Variants in TG observed in about 807,000 individuals in gnomAD.
TG encodes the protein thyroid hormones.
Under a neutral mutation model 324.7 loss-of-function variants are expected in TG, and 270 were observed. The observed-to-expected ratio is 0.83, with a 90% confidence interval of 0.75 to 0.92. The LOEUF is 0.92. TG is among the 40% of genes least tolerant of loss of function. TG has a pLI of 0.00. For synonymous variants in TG, 1,401 were observed against 1,327.0 expected, an observed-to-expected ratio of 1.06 and a Z score of -1.21; for missense variants, 3,591 against 3,456.4, an observed-to-expected ratio of 1.04 and a Z score of -0.98.
At chr8:133,058,273 C>G (rs1012896885) in intron 41 of TG, among the ~76,000 whole-genome samples, 67 of 152,086 alleles carry the variant, frequency 4.4e-4, no homozygotes, top group African/African-American at 1.5e-3. Context: ...AGCCCACCAG[C>G]GCTTGATGTG....
intron 28 of TG, among the ~76,000 whole-genome samples, chr8:132,961,537 G>A (rs544378643): frequency 1.3e-5 from 2 of 152,178 alleles, no homozygotes; most frequent in African/African-American, 2.4e-5. Flanking sequence ...GGGAAAAATG[G>A]AGAGTCTGAC....
intron 8 of TG, chr8:132,883,273 CG>C: frequency 2.2e-6 from 1 of 455,062 alleles, no homozygotes; most frequent in Non-Finnish European, 4.0e-6. Flanking sequence ...TTCCCATGTG[CG>C]GTGAGACAGG....
In TG at chr8:132,878,220, G is replaced by A. The variant is rs79775783; in HGVS notation, c.639-3643G>A. ...ATGATGGAGGGAACTTGGTTCCTCG[G>A]GTCCTCATGAAGGGGGGAACACTGT... On this transcript the variant is annotated intron_variant, in intron 5 of 47. Coordinates refer to ENST00000220616, the MANE Select transcript of TG (RefSeq NM_003235.5). Among the ~76,000 whole-genome samples the A allele has an allele frequency of 9.0e-3, 1,372 of 152,218 alleles. 39 individuals carry two copies. The highest frequency in any genetic ancestry group is 0.087 in the East Asian group (451 of 5,176).
intron 41 of TG, chr8:133,060,354 T>C: frequency 1.9e-6 from 3 of 1,543,578 alleles, no homozygotes; most frequent in South Asian, 1.2e-5. Context: ...TGGTGAAGAT[T>C]GGTTACTTTT....
chr8:133,014,380 A>G (rs905499309), intron 37 of TG, among the ~76,000 whole-genome samples: 2 of 152,252 alleles, frequency 1.3e-5, no homozygotes, highest in African/African-American at 2.4e-5. Flanking sequence ...GGGAGTAGCC[A>G]TAAATCCATC....
intron 41 of TG, among the ~76,000 whole-genome samples, chr8:133,033,483 T>A (rs527406848): frequency 8.5e-5 from 13 of 152,318 alleles, no homozygotes; most frequent in Admixed American, 2.6e-4. Context: ...CCCTTGCTGT[T>A]CTATGACAGC....
rs143097580 is a variant in TG at position 132,903,498 on chromosome 8, T to G, written c.3634+1945T>G. On this transcript the variant is annotated intron_variant, in intron 16 of 47. Coordinates refer to ENST00000220616, the MANE Select transcript of TG (RefSeq NM_003235.5). Reference sequence around the variant, plus strand: ...AGGGAGTTTGGGAAAAGCTGAGAGATTTAATATAGACAGTAATTTGGAACA... The same window carrying G: ...AGGGAGTTTGGGAAAAGCTGAGAGAGTTAATATAGACAGTAATTTGGAACA... Among the ~76,000 whole-genome samples the G allele has an allele frequency of 5.4e-3, 817 of 152,286 alleles. 29 individuals carry two copies. The highest frequency in any genetic ancestry group is 0.045 in the Admixed American group (694 of 15,300).
At chr8:132,957,770 C>CACACACAG (rs1236620503) in intron 27 of TG, among the ~76,000 whole-genome samples, 2 of 149,804 alleles carry the variant, frequency 1.3e-5, no homozygotes, top group South Asian at 2.1e-4. Context: ...CACACACACA[C>CACACACAG]ACACACACAC....
At chr8:133,057,217 C>T (rs908124525) in intron 41 of TG, among the ~76,000 whole-genome samples, 2 of 151,854 alleles carry the variant, frequency 1.3e-5, no homozygotes, top group Non-Finnish European at 2.9e-5. Context: ...AGAGAAGGAA[C>T]AAAGAGGGGA....
At chr8:133,123,507 A>C (rs1851296963) in intron 45 of TG, among the ~76,000 whole-genome samples, 1 of 152,082 alleles carries the variant, frequency 6.6e-6, no homozygotes, top group Non-Finnish European at 1.5e-5. Flanking sequence ...TCAAGGCACC[A>C]CCTGCTTATT....
chr8:133,070,627 CT>C (rs1174328891), intron 41 of TG, among the ~76,000 whole-genome samples: 2 of 152,224 alleles, frequency 1.3e-5, no homozygotes, highest in Non-Finnish European at 2.9e-5. Flanking sequence ...TTGTTCAGGG[CT>C]GGGTCTAGCC....
chr8:133,007,251 G>A (rs1328231102), intron 35 of TG, among the ~76,000 whole-genome samples: 2 of 152,110 alleles, frequency 1.3e-5, no homozygotes, highest in East Asian at 1.9e-4. Flanking sequence ...ACCGGGAGAA[G>A]GGGGAGGAGA....
At chr8:132,958,590 C>T (rs1022116482) in intron 27 of TG, among the ~76,000 whole-genome samples, 9 of 151,982 alleles carry the variant, frequency 5.9e-5, no homozygotes, top group African/African-American at 1.9e-4. Flanking sequence ...TGGTGGTGGG[C>T]GCCTGTAATC....
At chr8:133,027,885 C>T (rs1383698971) in intron 40 of TG, among the ~76,000 whole-genome samples, 3 of 152,150 alleles carry the variant, frequency 2.0e-5, no homozygotes, top group African/African-American at 7.2e-5. Context: ...ACATGTTGGA[C>T]CGTAATTGCT....
intron 11 of TG, among the ~76,000 whole-genome samples, chr8:132,894,388 A>G (rs777469036): frequency 3.3e-5 from 5 of 152,172 alleles, no homozygotes; most frequent in Non-Finnish European, 5.9e-5. Context: ...AGGAATTACT[A>G]CCTGCATGCG....
At chr8:133,112,282 G>C (rs1197717327) in intron 43 of TG, among the ~76,000 whole-genome samples, 1 of 152,266 alleles carries the variant, frequency 6.6e-6, no homozygotes, top group East Asian at 1.9e-4. Flanking sequence ...AAACACACCA[G>C]AGTGTGCTGA....
At position 132,871,428 on chromosome 8, in the gene TG, C is replaced by G; in HGVS notation, c.355C>G (p.Gln119Glu). 2 of 1,614,206 alleles carry G rather than the reference C, an allele frequency of 1.2e-6. No individual in the cohort carries two copies. The highest frequency in any genetic ancestry group is 1.1e-5 in the South Asian group (1 of 91,082). The change falls in exon 4 of 48, where the codon CAG becomes GAG. Residue 119 changes from glutamine (Q) to glutamate (E), a missense_variant. Coordinates refer to ENST00000220616, the MANE Select transcript of TG (RefSeq NM_003235.5). ...CAGCACAGACACCTCCTACCTCCCT[C>G]AGTGTCAGGATTCAGGGGACTACGC... The part of the protein sequence containing the change: ...INSTDTSYLP[Q>E]CQDSGDYAPV...
chr8:133,071,641 A>G, intron 41 of TG, among the ~76,000 whole-genome samples: 1 of 151,476 alleles, frequency 6.6e-6, no homozygotes, highest in Non-Finnish European at 1.5e-5. Flanking sequence ...TGCAGCGGGG[A>G]GAGGGGAGGA....
At chr8:132,938,944 C>T (rs553245493) in intron 25 of TG, among the ~76,000 whole-genome samples, 2 of 149,258 alleles carry the variant, frequency 1.3e-5, no homozygotes, top group African/African-American at 5.0e-5. Flanking sequence ...CCCAGCTACT[C>T]GGGAGGCTGA....
Sources: allele counts gnomAD v4.1 joint callset (sites outside exome capture counted in the v4.1 genomes callset), GRCh38; gene constraint gnomAD v4.1.1; transcripts MANE v1.5; gene names NCBI Gene and HGNC (gene_info 2026-07-23, HGNC 2026-07-21).